The following DMRT1 variants were observed in gnomAD, a reference collection of about 807,000 sequenced individuals.
DMRT1 encodes the protein doublesex- and mab-3-related transcription factor 1.
Under a neutral mutation model 32.3 loss-of-function variants are expected in DMRT1, and 7 were observed. The observed-to-expected ratio is 0.22, with a 90% CI of 0.12 to 0.41. DMRT1 has a LOEUF of 0.41. DMRT1 is among the 10% of genes least tolerant of loss of function. The pLI is 1.00. For synonymous variants in DMRT1, 278 were observed against 206.1 expected (o/e 1.35, Z -2.99); for missense variants, 625 against 500.5 (o/e 1.25, Z -2.37).
chr9:935,547 G>A (rs1818858063), intron 4 of DMRT1, among the ~76,000 whole-genome samples: 1 of 152,222 alleles, frequency 6.6e-6, no homozygotes, highest in African/African-American at 2.4e-5. Context: ...GTTAAATACT[G>A]GCGTAATTGC....
intron 2 of DMRT1, among the ~76,000 whole-genome samples, chr9:882,091 C>A (rs966984179): frequency 8.5e-5 from 13 of 152,280 alleles, no homozygotes; most frequent in African/African-American, 2.9e-4. Flanking sequence ...AATTCTGAGG[C>A]ACAGGCAGAG....
chr9:919,604 G>A (rs1818291762), intron 4 of DMRT1, among the ~76,000 whole-genome samples: 2 of 152,180 alleles, frequency 1.3e-5, no homozygotes, highest in South Asian at 4.1e-4. Context: ...GAAACAATTA[G>A]GCTTTTATTT....
At chr9:890,685 A>G (rs907457489) in intron 2 of DMRT1, among the ~76,000 whole-genome samples, 10 of 152,058 alleles carry the variant, frequency 6.6e-5, no homozygotes, top group African/African-American at 2.4e-4. Flanking sequence ...CTGTCTGCTT[A>G]AGGACACTTA....
Position 965,648 on chromosome 9 carries a change from G to T in DMRT1, c.968-2337G>T, listed in dbSNP as rs565429158. On this transcript the variant is annotated intron_variant, in intron 4 of 4. Transcript: ENST00000382276. This position sits in a 1 kb window ranked among gnomAD's most constrained non-coding sequence, Gnocchi z 4.5. The stretch of plus-strand genomic sequence containing the variant: ...TAACTGGAAACAGGCCCAGGGCTCT[G>T]AACATGTTGGGAGAACACATACCTA... Among the ~76,000 whole-genome samples, 1 of 152,328 alleles carries T rather than the reference G, an allele frequency of 6.6e-6. No homozygotes were observed. The highest frequency in any genetic ancestry group is 2.1e-4 in the South Asian group (1 of 4,820).
chr9:901,359 C>T (rs1192761135), intron 3 of DMRT1, among the ~76,000 whole-genome samples: 1 of 151,830 alleles, frequency 6.6e-6, no homozygotes, highest in African/African-American at 2.4e-5. Flanking sequence ...CAGAGCCTCA[C>T]TCTGTTGCCC....
At chr9:967,110 G>T (rs1414507188) in intron 4 of DMRT1, among the ~76,000 whole-genome samples, 1 of 152,184 alleles carries the variant, frequency 6.6e-6, no homozygotes, top group African/African-American at 2.4e-5. Context: ...AGTTAATGAG[G>T]AGAGAAATTA....
chr9:915,808 G>C (rs904278155), intron 3 of DMRT1, among the ~76,000 whole-genome samples: 5 of 151,702 alleles, frequency 3.3e-5, no homozygotes, highest in Admixed American at 1.3e-4. Context: ...TCTCGGCTCA[G>C]TACAAGCTCT....
chr9:966,086 A>G, intron 4 of DMRT1, among the ~76,000 whole-genome samples: 1 of 152,200 alleles, frequency 6.6e-6, no homozygotes, highest in Non-Finnish European at 1.5e-5. Context: ...TAGTAACAAG[A>G]TCTCAAAGCA....
chr9:842,298 G>T, intron 1 of DMRT1, 106 bp downstream of exon 1: 5 of 1,401,478 alleles, frequency 3.6e-6, no homozygotes, highest in Non-Finnish European at 4.7e-6. Flanking sequence ...GTAGTGGCGC[G>T]ATCTTGGCTC....
At chr9:851,913 C>T (rs139278883) in intron 2 of DMRT1, among the ~76,000 whole-genome samples, 1 of 150,884 alleles carries the variant, frequency 6.6e-6, no homozygotes, top group Admixed American at 6.6e-5. Flanking sequence ...CTTGTACCAG[C>T]AGGATCAGTT....
intron 4 of DMRT1, among the ~76,000 whole-genome samples, chr9:961,211 C>T (rs565030225): frequency 1.3e-5 from 2 of 152,278 alleles, no homozygotes; most frequent in Admixed American, 1.3e-4. Flanking sequence ...GTTTTAATTC[C>T]CTTTAGTAAC....
chr9:959,427 G>A (rs1819699201), intron 4 of DMRT1, among the ~76,000 whole-genome samples: 1 of 152,204 alleles, frequency 6.6e-6, no homozygotes, highest in South Asian at 2.1e-4. Context: ...CTGTGTCCAG[G>A]CTTTGCATAG....
rs1203518967 is a variant in DMRT1, at chr9:962,321, C to T, written c.968-5664C>T. The stretch of plus-strand genomic sequence containing the variant: ...TTGGGGGCAAGGGAGCAGTCTGGAG[C>T]ATCACCATTGCTGACAGGCAAGAAG... On this transcript the variant is annotated intron_variant, in intron 4 of 4. Transcript: ENST00000382276. Among the ~76,000 whole-genome samples the T allele has an allele frequency of 2.6e-5, 4 of 152,114 alleles. No individual in the cohort carries two copies. The South Asian group carries it at 8.3e-4, about 32-fold the overall frequency.
At chr9:937,998 A>T (rs1586641763) in intron 4 of DMRT1, among the ~76,000 whole-genome samples, 1 of 151,976 alleles carries the variant, frequency 6.6e-6, no homozygotes, top group East Asian at 1.9e-4. Flanking sequence ...AAGATCTTTC[A>T]TTAATTTTAA....
At chr9:880,509 C>T (rs771036931) in intron 2 of DMRT1, among the ~76,000 whole-genome samples, 1 of 151,660 alleles carries the variant, frequency 6.6e-6, no homozygotes, top group African/African-American at 2.4e-5. Flanking sequence ...GGCGGATCAC[C>T]TGAGGTCAGG....
intron 2 of DMRT1, among the ~76,000 whole-genome samples, chr9:848,392 A>T (rs1838994450): frequency 6.6e-6 from 1 of 152,156 alleles, no homozygotes; most frequent in African/African-American, 2.4e-5. Context: ...GTTAAGCACC[A>T]AAGAAAGCAG....
intron 4 of DMRT1, among the ~76,000 whole-genome samples, chr9:943,342 A>G (rs1458383368): frequency 6.6e-6 from 1 of 152,180 alleles, no homozygotes; most frequent in Non-Finnish European, 1.5e-5. Flanking sequence ...AAAAACAGTA[A>G]CAGGAGCCCT....
Position 968,343 on chromosome 9 carries a change from C to CT in DMRT1, c.*207dup. Reference sequence around the variant, plus strand: ...GACTACCATCTGCATGGTTTAAGTGCTTTACTCACGGAGTTTAAATAATAG... The same window carrying CT: ...GACTACCATCTGCATGGTTTAAGTGCTTTTACTCACGGAGTTTAAATAATAG... On this transcript the variant is annotated 3_prime_UTR_variant, in exon 5 of 5. Coordinates refer to ENST00000382276, the MANE Select transcript of DMRT1 (RefSeq NM_021951.3). The CT allele has an allele frequency of 1.7e-6, 1 of 581,722 alleles. No homozygotes were observed. The highest frequency in any genetic ancestry group is 3.0e-5 in the East Asian group (1 of 32,968). The allele number at this position is 581,722 out of a possible 1,614,324, so 36.0% of individuals were successfully genotyped here.
At chr9:867,269 A>G (rs1816031621) in intron 2 of DMRT1, among the ~76,000 whole-genome samples, 1 of 152,206 alleles carries the variant, frequency 6.6e-6, no homozygotes, top group African/African-American at 2.4e-5. Context: ...TCCAGGATGC[A>G]GGATGGTAGG....
Sources: gnomAD v4.1 joint callset for allele counts (sites outside exome capture counted in the v4.1 genomes callset) on GRCh38, gnomAD v4.1.1 for gene constraint, Gnocchi (gnomAD v3.1) non-coding constraint, MANE v1.5 for transcripts, NCBI Gene and HGNC (gene_info 2026-07-23, HGNC 2026-07-21) for gene names.